MBTD1: variants seen among roughly 807,000 people sequenced by gnomAD.
MBTD1 encodes the protein mbt domain containing 1, also known as MBT domain-containing protein 1.
A neutral mutation model predicts 87.8 loss-of-function variants in MBTD1; 24 were observed. The observed-to-expected ratio is 0.27, with a 90% CI of 0.20 to 0.38. The LOEUF is 0.38. Among genes scored for constraint, MBTD1 ranks in the 10% least tolerant of loss-of-function variants. MBTD1 has a pLI of 1.00. For missense variants in MBTD1, 436 were observed against 760.2 expected, an observed-to-expected ratio of 0.57 and a Z score of 5.02; for synonymous variants, 237 against 248.6, an observed-to-expected ratio of 0.95 and a Z score of 0.44.
At chr17:51,239,218 T>C (rs756229362) in intron 2 of MBTD1, among the ~76,000 whole-genome samples, 7 of 152,168 alleles carry the variant, frequency 4.6e-5, no homozygotes, top group African/African-American at 9.7e-5. Flanking sequence ...GTTTAGGGGA[T>C]AGACAGTAAA....
chr17:51,256,985 C>T (rs2055127467), intron 2 of MBTD1, among the ~76,000 whole-genome samples: 3 of 152,222 alleles, frequency 2.0e-5, no homozygotes, highest in Admixed American at 6.5e-5. Flanking sequence ...GAATTATTTC[C>T]TTTTCACCTT....
chr17:51,225,951 G>A (rs1041892438), intron 2 of MBTD1, among the ~76,000 whole-genome samples: 6 of 151,276 alleles, frequency 4.0e-5, no homozygotes, highest in Non-Finnish European at 7.4e-5. Context: ...GCTAATTTTC[G>A]TATTTTTAGT....
At chr17:51,260,264 G>A (rs1019570633), upstream of MBTD1, 5 of 461,936 alleles carry the variant, frequency 1.1e-5, no homozygotes, top group South Asian at 1.3e-4. Flanking sequence ...CCATTCAGCC[G>A]TCCCAGTGTA....
intron 6 of MBTD1, among the ~76,000 whole-genome samples, chr17:51,217,056 A>G (rs888009522): frequency 1.3e-5 from 2 of 152,138 alleles, no homozygotes; most frequent in African/African-American, 4.8e-5. Flanking sequence ...TTAAAAAATA[A>G]ATAAATATAA....
At chr17:51,247,311 C>T (rs1450598110) in intron 2 of MBTD1, among the ~76,000 whole-genome samples, 1 of 152,136 alleles carries the variant, frequency 6.6e-6, no homozygotes, top group African/African-American at 2.4e-5. Context: ...AAAACTCACT[C>T]ATCAAAATGT....
rs1338633157 is a variant in MBTD1 at position 51,179,911 on chromosome 17, TAA to T, written c.*663_*664del. 1 of 152,132 alleles carries T rather than the reference TAA, an allele frequency of 6.6e-6. No individual in the cohort carries two copies. Among genetic ancestry groups the T allele is most frequent in the Non-Finnish European group, 1.5e-5 (1 of 68,012 alleles). The allele number at this position is 152,132 out of a possible 1,614,324, so 9.4% of individuals were successfully genotyped here. A position where few individuals can be genotyped will look rare whatever the true frequency, so the allele number is the denominator to read the frequency against. On this transcript the variant is annotated 3_prime_UTR_variant, in exon 17 of 17. Transcript: ENST00000586178. Reference sequence around the variant, plus strand: ...GGATAATTCTAATCATTTTTTTAATTAAAAGAGAACATATAAAAGTATCCAGA... The same window carrying T: ...GGATAATTCTAATCATTTTTTTAATTAAGAGAACATATAAAAGTATCCAGA...
In MBTD1 at chr17:51,228,453, TTA is replaced by T. The variant is rs1257088554; in HGVS notation, c.-48-3246_-48-3245del. On this transcript the variant is annotated intron_variant, in intron 2 of 16. Transcript: ENST00000586178. ...ATATCATCTTTAGTGAATGCTGGTC[TTA>T]TGTCTCCTCCAAGATGTTGCCTCAT... 4.0e-5 allele frequency among the ~76,000 whole-genome samples: 6 copies of T among 151,314 alleles called. No individual in the cohort carries two copies. The East Asian group carries it at 1.2e-3, about 29-fold the overall frequency.
intron 2 of MBTD1, among the ~76,000 whole-genome samples, chr17:51,239,280 CTTAA>C (rs2054030223): frequency 6.6e-6 from 1 of 152,108 alleles, no homozygotes; most frequent in Non-Finnish European, 1.5e-5. Context: ...TTTCATAAAA[CTTAA>C]TTCATTAAAT....
intron 2 of MBTD1, among the ~76,000 whole-genome samples, chr17:51,235,712 T>C (rs1411168624): frequency 1.3e-5 from 2 of 152,154 alleles, no homozygotes; most frequent in East Asian, 1.9e-4. Context: ...AAAATTAACA[T>C]TATTAAAATG....
chr17:51,189,776 A>T (rs535132080), intron 16 of MBTD1, among the ~76,000 whole-genome samples: 1 of 152,256 alleles, frequency 6.6e-6, no homozygotes, highest in Non-Finnish European at 1.5e-5. Context: ...CTTAGTGATC[A>T]TATCTGCTAT....
At chr17:51,197,520 C>CTTTTT (rs548902033) in intron 12 of MBTD1, among the ~76,000 whole-genome samples, 2 of 139,092 alleles carry the variant, frequency 1.4e-5, no homozygotes, top group African/African-American at 2.6e-5. Context: ...TTTTTCTTTT[C>CTTTTT]TTTTTTTTTT....
chr17:51,198,361 T>C (rs2051261471), intron 12 of MBTD1, among the ~76,000 whole-genome samples: 1 of 152,240 alleles, frequency 6.6e-6, no homozygotes. Context: ...ACCAAGTGTT[T>C]AAAGCCTGTA....
chr17:51,221,757 T>C (rs77559248), intron 3 of MBTD1, among the ~76,000 whole-genome samples: 2,836 of 152,284 alleles, frequency 0.019, 63 homozygotes, highest in African/African-American at 0.046. Context: ...CTATAAGTAA[T>C]CTAGACATGA....
chr17:51,196,918 GA>G (rs1452591308), intron 12 of MBTD1, among the ~76,000 whole-genome samples: 1 of 150,938 alleles, frequency 6.6e-6, no homozygotes, highest in African/African-American at 2.4e-5. Context: ...TTTTTCCTTT[GA>G]AATAGGTTCA....
intron 16 of MBTD1, chr17:51,191,844 G>A (rs1030527920): frequency 4.9e-6 from 1 of 203,684 alleles, no homozygotes; most frequent in Non-Finnish European, 9.8e-6. Context: ...GCCTCCTAAA[G>A]TGCTGGGATT....
chr17:51,219,063 A>C lies in MBTD1; in HGVS notation c.289-19T>G, dbSNP rs756661809. On this transcript the variant is annotated intron_variant, in intron 4 of 16. Coordinates refer to ENST00000586178, the MANE Select transcript of MBTD1 (RefSeq NM_017643.3). ...GCTTACCCTAAAACAAGAAAAGTTA[A>C]GTAAATAGGATTCTTTTTCATCCCC... 1 of 1,301,956 alleles carries C rather than the reference A, an allele frequency of 7.7e-7. No individual in the cohort carries two copies. The highest frequency in any genetic ancestry group is 1.5e-5 in the African/African-American group (1 of 68,352). The allele number at this position is 1,301,956 out of a possible 1,614,324, so 80.7% of individuals were successfully genotyped here.
At chr17:51,237,853 A>G (rs976772174) in intron 2 of MBTD1, among the ~76,000 whole-genome samples, 4 of 152,246 alleles carry the variant, frequency 2.6e-5, no homozygotes, top group African/African-American at 9.6e-5. Context: ...AATGGTCATC[A>G]TAGCCCCAAA....
rs2050225407 is a variant in MBTD1 at position 51,179,516 on chromosome 17, A to ATATATATATATT, written c.*1059_*1060insAATATATATATA. On this transcript the variant is annotated 3_prime_UTR_variant, in exon 17 of 17. Transcript: ENST00000586178. ...TATATATATATATATATATATATAT[A>ATATATATATATT]TATATATATATATATATATATGGAA... The ATATATATATATT allele has an allele frequency of 1.1e-5, 1 of 87,992 alleles. No individual in the cohort carries two copies. Among genetic ancestry groups the ATATATATATATT allele is most frequent in the South Asian group, 3.1e-4 (1 of 3,228 alleles). 5.5% of individuals were successfully genotyped at this position (87,992 alleles called of 1,614,324 possible).
chr17:51,197,686 G>A (rs934800130), intron 12 of MBTD1, among the ~76,000 whole-genome samples: 3 of 151,978 alleles, frequency 2.0e-5, no homozygotes, highest in Admixed American at 6.6e-5. Context: ...TGTAGAGACA[G>A]TGTTTTGCCC....
Sources: gnomAD v4.1 joint callset for allele counts (sites outside exome capture counted in the v4.1 genomes callset) on GRCh38, gnomAD v4.1.1 for gene constraint, MANE v1.5 for transcripts, NCBI Gene and HGNC (gene_info 2026-07-23, HGNC 2026-07-21) for gene names.